PHKB: variants seen among roughly 807,000 people sequenced by gnomAD.
The protein encoded by PHKB is phosphorylase b kinase regulatory subunit beta.
A neutral mutation model predicts 152.1 loss-of-function variants in PHKB; 122 were observed. The observed-to-expected ratio is 0.80, with a 90% CI of 0.69 to 0.93. The LOEUF is 0.93. Among genes scored for constraint, PHKB ranks in the 40% least tolerant of loss-of-function variants. The probability of loss-of-function intolerance (pLI) is 0.00; values close to 1 mark genes in which losing one functional copy is unlikely to be tolerated. For missense variants in PHKB, 1,304 were observed against 1,328.4 expected (o/e 0.98, Z 0.29); for synonymous variants, 436 against 464.9 (o/e 0.94, Z 0.80).
chr16:47,516,183 C>G (rs1401949821), intron 6 of PHKB, among the ~76,000 whole-genome samples: 3 of 152,128 alleles, frequency 2.0e-5, no homozygotes, highest in African/African-American at 7.2e-5. Flanking sequence ...ACCTCGGCCT[C>G]CCAAAGTGCT....
chr16:47,583,713 A>G (rs759580404), intron 8 of PHKB, among the ~76,000 whole-genome samples: 1 of 152,180 alleles, frequency 6.6e-6, no homozygotes, highest in South Asian at 2.1e-4. Flanking sequence ...GAGTAAAACC[A>G]ATGCCACTCC....
chr16:47,498,537 G>A (rs998357546), intron 2 of PHKB, among the ~76,000 whole-genome samples: 1 of 152,138 alleles, frequency 6.6e-6, no homozygotes, highest in African/African-American at 2.4e-5. Flanking sequence ...TCAGCCATGA[G>A]TGGTGGTGCA....
At chr16:47,636,753 G>A (rs1361085015) in intron 14 of PHKB, among the ~76,000 whole-genome samples, 1 of 152,190 alleles carries the variant, frequency 6.6e-6, no homozygotes, top group Non-Finnish European at 1.5e-5. Context: ...GGTATCCCTT[G>A]GCACAAACAG....
chr16:47,688,114 A>T (rs1295508998), intron 26 of PHKB, among the ~76,000 whole-genome samples: 2 of 152,248 alleles, frequency 1.3e-5, no homozygotes, highest in Non-Finnish European at 1.5e-5. Flanking sequence ...GGAGAAAGGC[A>T]GCATGGGTGA....
chr16:47,683,565 G>C (rs138237307), intron 26 of PHKB, among the ~76,000 whole-genome samples: 11 of 152,226 alleles, frequency 7.2e-5, no homozygotes, highest in Non-Finnish European at 1.3e-4. Flanking sequence ...CTCCGAGCCA[G>C]GTGTGGGATA....
intron 14 of PHKB, among the ~76,000 whole-genome samples, chr16:47,637,576 G>C (rs1972943900): frequency 1.3e-5 from 2 of 152,160 alleles, no homozygotes; most frequent in African/African-American, 4.8e-5. Context: ...TACTAGAGTG[G>C]ATGAGATTTG....
chr16:47,683,448 C>T (rs1162238552), intron 26 of PHKB, among the ~76,000 whole-genome samples: 2 of 152,214 alleles, frequency 1.3e-5, no homozygotes, highest in Non-Finnish European at 2.9e-5. Flanking sequence ...TTTACCTAAT[C>T]AAGCCTTGGC....
intron 1 of PHKB, chr16:47,463,657 T>C: frequency 2.2e-6 from 1 of 447,596 alleles, no homozygotes; most frequent in South Asian, 2.2e-5. Context: ...GATACTACTT[T>C]TATGTAATGT....
At position 47,649,738 on chromosome 16, in the gene PHKB, C is replaced by G. The variant is rs1199359183; in HGVS notation, c.1797+534C>G. ...GTGTGTTCTTGGGCAAGTTACTTAA[C>G]TCCTCTGTGCCTTGTTTTCCCATCT... On this transcript the variant is annotated intron_variant, in intron 18 of 30. Coordinates refer to ENST00000323584, the MANE Select transcript of PHKB (RefSeq NM_000293.3). Among the ~76,000 whole-genome samples the G allele has an allele frequency of 2.0e-5, 3 of 151,968 alleles. No homozygotes were observed. In the East Asian group the frequency reaches 5.8e-4, roughly 29 times the overall value.
intron 1 of PHKB, chr16:47,464,282 T>G: frequency 1.3e-4 from 53 of 396,338 alleles, no homozygotes; most frequent in East Asian, 2.6e-4. Flanking sequence ...AATGTGCACA[T>G]AGCATATTTC....
chr16:47,564,536 T>C (rs2151683643), intron 7 of PHKB, among the ~76,000 whole-genome samples: 1 of 152,242 alleles, frequency 6.6e-6, no homozygotes. Context: ...CCTTTCTTGC[T>C]GATTTGCTTG....
chr16:47,563,994 C>CTTTTT (rs899061752), intron 7 of PHKB, among the ~76,000 whole-genome samples: 60 of 81,968 alleles, frequency 7.3e-4, no homozygotes, highest in African/African-American at 1.1e-3. Context: ...TTATTTCATT[C>CTTTTT]TTTTTTTTTT....
intron 18 of PHKB, 133 bp downstream of exon 18, chr16:47,649,337 AC>A (rs1973193557): frequency 1.4e-6 from 1 of 707,012 alleles, no homozygotes; most frequent in African/African-American, 1.7e-5. Flanking sequence ...CAGTAAAACC[AC>A]CTGCATAGCT....
intron 6 of PHKB, among the ~76,000 whole-genome samples, chr16:47,540,152 CT>C (rs1971027854): frequency 6.6e-6 from 1 of 152,042 alleles, no homozygotes. Flanking sequence ...TAAACGGCCA[CT>C]GTGGGAGTGT....
intron 7 of PHKB, among the ~76,000 whole-genome samples, chr16:47,569,354 A>G (rs1359243504): frequency 6.6e-6 from 1 of 152,116 alleles, no homozygotes; most frequent in Non-Finnish European, 1.5e-5. Flanking sequence ...TTCATGTGTA[A>G]TATATTTTTT....
At chr16:47,519,695 C>A (rs1970654299) in intron 6 of PHKB, among the ~76,000 whole-genome samples, 1 of 152,146 alleles carries the variant, frequency 6.6e-6, no homozygotes, top group South Asian at 2.1e-4. Flanking sequence ...TATACAGTAT[C>A]CTATTTATTA....
intron 7 of PHKB, among the ~76,000 whole-genome samples, chr16:47,563,577 T>G (rs1253458713): frequency 6.6e-6 from 1 of 152,186 alleles, no homozygotes; most frequent in Admixed American, 6.5e-5. Context: ...TCATTCAGAC[T>G]TTGTTGTTCC....
At chr16:47,691,253 G>A (rs1215838570) in intron 27 of PHKB, among the ~76,000 whole-genome samples, 2 of 152,176 alleles carry the variant, frequency 1.3e-5, no homozygotes, top group African/African-American at 4.8e-5. Flanking sequence ...AGCCTCAGGA[G>A]ACACGGAAAC....
At chr16:47,526,035 G>C (rs981080197) in intron 6 of PHKB, among the ~76,000 whole-genome samples, 1 of 152,082 alleles carries the variant, frequency 6.6e-6, no homozygotes, top group Non-Finnish European at 1.5e-5. Flanking sequence ...GAGCTAATCC[G>C]GGAAGTGGTT....
Sources: allele counts gnomAD v4.1 joint callset (sites outside exome capture counted in the v4.1 genomes callset), GRCh38; gene constraint gnomAD v4.1.1; transcripts MANE v1.5; gene names NCBI Gene and HGNC (gene_info 2026-07-23, HGNC 2026-07-21).